The following BMPR2 variants were observed in gnomAD, a reference collection of about 807,000 sequenced individuals.
The protein encoded by BMPR2 is bone morphogenetic protein receptor type-2.
A neutral mutation model predicts 100.8 loss-of-function variants in BMPR2; 29 were observed. The observed-to-expected ratio is 0.29, with a 90% CI of 0.21 to 0.39. The LOEUF is 0.39. Among genes scored for constraint, BMPR2 ranks in the 10% least tolerant of loss-of-function variants. The probability of loss-of-function intolerance (pLI) is 1.00; values close to 1 mark genes in which losing one functional copy is unlikely to be tolerated. For synonymous variants in BMPR2, 382 were observed against 442.3 expected (o/e 0.86, Z 1.71); for missense variants, 1,011 against 1,274.5 (o/e 0.79, Z 3.15).
At chr2:202,543,241 CAT>C (rs1157215909) in intron 10 of BMPR2, among the ~76,000 whole-genome samples, 1 of 144,888 alleles carries the variant, frequency 6.9e-6, no homozygotes, top group Non-Finnish European at 1.5e-5. Context: ...TATTTATATA[CAT>C]ATATATTTAT....
At chr2:202,531,928 G>GTCTTTTT (rs1439934960) in intron 8 of BMPR2, among the ~76,000 whole-genome samples, 1 of 51,262 alleles carries the variant, frequency 2.0e-5, no homozygotes, top group Non-Finnish European at 4.2e-5. Flanking sequence ...ACGCCCAGCT[G>GTCTTTTT]TATTTTTTTT....
chr2:202,528,588 C>T (rs891902816), intron 7 of BMPR2, among the ~76,000 whole-genome samples: 2 of 152,236 alleles, frequency 1.3e-5, no homozygotes, highest in Non-Finnish European at 2.9e-5. Flanking sequence ...ACCTACTGAA[C>T]ATCATAGCTT....
In BMPR2 at chr2:202,441,799, C is replaced by T. The variant is rs554621024; in HGVS notation, c.77-23010C>T. Among the ~76,000 whole-genome samples the T allele has an allele frequency of 1.0e-4, 15 of 149,164 alleles. No homozygotes were observed. In the South Asian group the frequency reaches 1.0e-3, roughly 10 times the overall value. On this transcript the variant is annotated intron_variant, in intron 1 of 12. Transcript: ENST00000374580. ...CTGTAATCCCAGCACTTTGGGAGGCCGAGGTGGGCGATCACCTGAGGTCAG... is the reference window on the plus strand; with the variant it reads ...CTGTAATCCCAGCACTTTGGGAGGCTGAGGTGGGCGATCACCTGAGGTCAG...
Position 202,563,563 on chromosome 2 carries a change from T to C in BMPR2, c.*3617T>C, listed in dbSNP as rs1008922944. ...AGATATGTAGACATATCTATGCTGA[T>C]TGTTGCTTGAGAAATAATTACTAAT... is the stretch of plus-strand genomic sequence containing the variant. On this transcript the variant is annotated 3_prime_UTR_variant, in exon 13 of 13. Coordinates refer to ENST00000374580, the MANE Select transcript of BMPR2 (RefSeq NM_001204.7). The C allele has an allele frequency of 6.6e-6, 1 of 152,216 alleles. No individual in the cohort carries two copies. Among genetic ancestry groups the C allele is most frequent in the African/African-American group, 2.4e-5 (1 of 41,452 alleles). The allele number at this position is 152,216 out of a possible 1,614,324, so 9.4% of individuals were successfully genotyped here.
intron 1 of BMPR2, among the ~76,000 whole-genome samples, chr2:202,380,919 C>T (rs1402890075): frequency 9.6e-6 from 1 of 104,570 alleles, no homozygotes; most frequent in East Asian, 2.0e-4. Flanking sequence ...GTGCCTGGCC[C>T]TGGCCCTGGC....
chr2:202,545,371 G>A (rs1688357794), intron 10 of BMPR2, among the ~76,000 whole-genome samples: 1 of 151,854 alleles, frequency 6.6e-6, no homozygotes, highest in South Asian at 2.1e-4. Flanking sequence ...CCAGAAACTC[G>A]TTTGCCTTTT....
At chr2:202,442,694 T>C (rs1264054301) in intron 1 of BMPR2, among the ~76,000 whole-genome samples, 9 of 150,678 alleles carry the variant, frequency 6.0e-5, no homozygotes, top group Admixed American at 3.9e-4. Context: ...GTATGCATTA[T>C]TTCATCTTTT....
rs1336303188 is a variant in BMPR2 at position 202,559,694 on chromosome 2, A to T, written c.2867-2A>T. ...CTCATTTTTCTGCACTTTTATTTTC[A>T]GTAGGTGAGTCAACACAAGATGGCA... is the stretch of plus-strand genomic sequence containing the variant. On this transcript the variant is annotated splice_acceptor_variant, in intron 12 of 12. Transcript: ENST00000374580. LOFTEE classifies it high-confidence loss of function. 1 of 1,614,008 alleles carries T rather than the reference A, an allele frequency of 6.2e-7. No individual in the cohort carries two copies. Among genetic ancestry groups the T allele is most frequent in the Non-Finnish European group, 8.5e-7 (1 of 1,179,930 alleles).
At chr2:202,558,601 C>T (rs751224875) in intron 12 of BMPR2, among the ~76,000 whole-genome samples, 8 of 152,006 alleles carry the variant, frequency 5.3e-5, no homozygotes, top group Admixed American at 2.6e-4. Flanking sequence ...AGTAAGACAT[C>T]GTGTCAGATA....
rs190671835 is a variant in BMPR2, at chr2:202,542,919, G to A, written c.1413+472G>A. ...CGGCTGGGTGCGGTGGCTCACACCTGTAATCCCAGCACTTTGGGAGGCCGA... is the reference window on the plus strand; with the variant it reads ...CGGCTGGGTGCGGTGGCTCACACCTATAATCCCAGCACTTTGGGAGGCCGA... On this transcript the variant is annotated intron_variant, in intron 10 of 12. Transcript: ENST00000374580. 3.6e-4 allele frequency among the ~76,000 whole-genome samples: 55 copies of A among 152,064 alleles called. 1 individual carries two copies. The highest frequency in any genetic ancestry group is 7.9e-4 in the Admixed American group (12 of 15,256).
At chr2:202,490,548 C>T (rs779700452) in intron 3 of BMPR2, among the ~76,000 whole-genome samples, 7 of 152,190 alleles carry the variant, frequency 4.6e-5, no homozygotes, top group African/African-American at 7.2e-5. Flanking sequence ...ATACTTTTCT[C>T]ACTCTGCTAG....
At chr2:202,450,582 T>C (rs775320885) in intron 1 of BMPR2, among the ~76,000 whole-genome samples, 2 of 151,324 alleles carry the variant, frequency 1.3e-5, no homozygotes, top group African/African-American at 2.4e-5. Flanking sequence ...TCCCAGCTAC[T>C]TGGGAGGCTG....
chr2:202,380,620 ATTTC>A (rs1251100795), intron 1 of BMPR2, among the ~76,000 whole-genome samples: 2 of 143,848 alleles, frequency 1.4e-5, no homozygotes, highest in Non-Finnish European at 1.5e-5. Context: ...GATTGTTTGG[ATTTC>A]TTTCTTTTTT....
intron 1 of BMPR2, among the ~76,000 whole-genome samples, chr2:202,445,012 T>C (rs1691823633): frequency 6.7e-6 from 1 of 150,202 alleles, no homozygotes; most frequent in Non-Finnish European, 1.5e-5. Context: ...GGTCTCGAAC[T>C]CCCGACATCA....
chr2:202,458,283 CAAAAAAAAAAAAA>C (rs71035009), intron 1 of BMPR2, among the ~76,000 whole-genome samples: 72 of 52,310 alleles, frequency 1.4e-3, no homozygotes, highest in Non-Finnish European at 2.0e-3. Context: ...CTTGTCTCTG[CAAAAAAAAAAAAA>C]AAAAAAAAAA....
At chr2:202,507,012 G>A (rs1687532305) in intron 3 of BMPR2, among the ~76,000 whole-genome samples, 1 of 150,040 alleles carries the variant, frequency 6.7e-6, no homozygotes, top group East Asian at 2.0e-4. Flanking sequence ...GGCGAAGGTT[G>A]TAGTGACCCG....
At chr2:202,428,571 A>T (rs975415742) in intron 1 of BMPR2, among the ~76,000 whole-genome samples, 1 of 151,802 alleles carries the variant, frequency 6.6e-6, no homozygotes, top group East Asian at 1.9e-4. Flanking sequence ...GGCTAATTTT[A>T]AAAAAGTTTT....
At chr2:202,526,064 C>G (rs1421283481) in intron 7 of BMPR2, among the ~76,000 whole-genome samples, 7 of 151,940 alleles carry the variant, frequency 4.6e-5, no homozygotes, top group Admixed American at 4.6e-4. Context: ...GGGGTTTCTC[C>G]ATGTTGACTC....
In BMPR2 at chr2:202,567,289, T is replaced by G. The variant is rs1207571981; in HGVS notation, c.*7343T>G. On this transcript the variant is annotated 3_prime_UTR_variant, in exon 13 of 13. Transcript: ENST00000374580. ...CGGAGTATTCACTTCTGAGGATGCT[T>G]TTCCGGAAAAAGAAAGGCTAGAAAA... 1 of 152,602 alleles carries G rather than the reference T, an allele frequency of 6.6e-6. No individual in the cohort carries two copies. The highest frequency in any genetic ancestry group is 1.5e-5 in the Non-Finnish European group (1 of 68,024). The allele number at this position is 152,602 out of a possible 1,614,324, so 9.5% of individuals were successfully genotyped here.
Sources: allele counts gnomAD v4.1 joint callset (sites outside exome capture counted in the v4.1 genomes callset), GRCh38; gene constraint gnomAD v4.1.1; transcripts MANE v1.5; gene names NCBI Gene and HGNC (gene_info 2026-07-23, HGNC 2026-07-21).